CSNK1G3: variants seen among roughly 807,000 people sequenced by gnomAD.
CSNK1G3 encodes the protein casein kinase I isoform gamma-3.
CSNK1G3 carries 23 observed loss-of-function variants against 64.3 expected under a neutral mutation model. That is an observed-to-expected ratio of 0.36 (90% CI 0.26 to 0.51). The LOEUF is 0.51. Ranked by LOEUF, CSNK1G3 falls within the 20% of genes least tolerant of loss-of-function variation. The probability of loss-of-function intolerance (pLI) is 0.96; values close to 1 mark genes in which losing one functional copy is unlikely to be tolerated. For synonymous variants in CSNK1G3, 158 were observed against 162.2 expected, an observed-to-expected ratio of 0.97 and a Z score of 0.20; for missense variants, 357 against 510.5, an observed-to-expected ratio of 0.70 and a Z score of 2.90.
chr5:123,592,449 TTC>T (rs958376142), intron 10 of CSNK1G3, among the ~76,000 whole-genome samples: 3 of 151,872 alleles, frequency 2.0e-5, no homozygotes, highest in African/African-American at 7.3e-5. Context: ...GTTTTAATTT[TTC>T]TCTCTCTCTT....
At chr5:123,571,130 G>A (rs182732101) in intron 4 of CSNK1G3, among the ~76,000 whole-genome samples, 4 of 152,132 alleles carry the variant, frequency 2.6e-5, no homozygotes, top group South Asian at 2.1e-4. Context: ...GATGGGACAA[G>A]CGTGTGTGAT....
chr5:123,524,365 G>C (rs1304208167), intron 1 of CSNK1G3, among the ~76,000 whole-genome samples: 1 of 152,114 alleles, frequency 6.6e-6, no homozygotes, highest in Non-Finnish European at 1.5e-5. Context: ...AGTCCTTGGG[G>C]TTACATAATT....
intron 1 of CSNK1G3, among the ~76,000 whole-genome samples, chr5:123,521,037 C>A (rs1778005425): frequency 1.3e-5 from 2 of 151,878 alleles, no homozygotes. Flanking sequence ...TTAGGGTGTG[C>A]AAATTTATGA....
intron 10 of CSNK1G3, among the ~76,000 whole-genome samples, chr5:123,592,963 T>C (rs1314913616): frequency 6.6e-6 from 1 of 151,948 alleles, no homozygotes; most frequent in Non-Finnish European, 1.5e-5. Context: ...TCCTTGAATG[T>C]ACTTGGAAGA....
At chr5:123,512,408 CT>C (rs1446798674) in exon 1 of CSNK1G3, 1 of 152,202 alleles carries the variant, frequency 6.6e-6, no homozygotes, top group Non-Finnish European at 1.5e-5. Flanking sequence ...TCCTTCCCCC[CT>C]ACCTCGCTCG....
chr5:123,588,382 A>G (rs750902869), intron 7 of CSNK1G3, 45 bp from the exon 8 acceptor site: 3 of 1,470,064 alleles, frequency 2.0e-6, no homozygotes, highest in African/African-American at 2.8e-5. Flanking sequence ...CAGCTAAATA[A>G]TTTTTAAATT....
chr5:123,567,033 A>G (rs966424675), intron 4 of CSNK1G3, among the ~76,000 whole-genome samples: 2 of 152,226 alleles, frequency 1.3e-5, no homozygotes, highest in African/African-American at 4.8e-5. Flanking sequence ...TAACAGTTCC[A>G]TGTGGCTGGG....
intron 6 of CSNK1G3, among the ~76,000 whole-genome samples, chr5:123,581,639 C>A (rs947379602): frequency 6.6e-6 from 1 of 151,392 alleles, no homozygotes; most frequent in Admixed American, 6.6e-5. Context: ...GATTAGTGAA[C>A]TGTTCCTGTG....
At chr5:123,531,906 CAGT>C (rs913501053) in intron 1 of CSNK1G3, among the ~76,000 whole-genome samples, 1 of 151,748 alleles carries the variant, frequency 6.6e-6, no homozygotes, top group African/African-American at 2.4e-5. Flanking sequence ...AGTCTTCTCT[CAGT>C]AGTTTTTATT....
chr5:123,582,917 G>T (rs1324393757), intron 6 of CSNK1G3, among the ~76,000 whole-genome samples: 3 of 152,168 alleles, frequency 2.0e-5, no homozygotes, highest in African/African-American at 4.8e-5. Flanking sequence ...CACAAAAAAA[G>T]AAATTATGAG....
intron 4 of CSNK1G3, among the ~76,000 whole-genome samples, chr5:123,563,521 CTTTATT>C (rs1786210670): frequency 6.6e-6 from 1 of 151,984 alleles, no homozygotes; most frequent in South Asian, 2.1e-4. Context: ...TACGTTTTCA[CTTTATT>C]TTTAAGATGA....
intron 2 of CSNK1G3, among the ~76,000 whole-genome samples, chr5:123,547,287 A>G (rs893319756): frequency 3.3e-5 from 5 of 152,160 alleles, no homozygotes; most frequent in East Asian, 1.9e-4. Context: ...ATGATACTGT[A>G]AAAAGACCAA....
chr5:123,604,941 C>G (rs1795095569), intron 11 of CSNK1G3, 111 bp downstream of exon 12: 9 of 728,180 alleles, frequency 1.2e-5, no homozygotes, highest in Non-Finnish European at 2.1e-5. Flanking sequence ...GGAATAGGTG[C>G]ATGCAAAACA....
At chr5:123,533,715 A>T (rs1432705501) in intron 1 of CSNK1G3, among the ~76,000 whole-genome samples, 1 of 151,824 alleles carries the variant, frequency 6.6e-6, no homozygotes, top group Non-Finnish European at 1.5e-5. Context: ...TATACTTCTC[A>T]AAAGCCCTTG....
intron 6 of CSNK1G3, among the ~76,000 whole-genome samples, chr5:123,587,186 G>C (rs1242540146): frequency 1.3e-5 from 2 of 152,204 alleles, no homozygotes; most frequent in Non-Finnish European, 2.9e-5. Context: ...CTAGTTCAGA[G>C]CCATACTTTG....
intron 9 of CSNK1G3, among the ~76,000 whole-genome samples, 176 bp from the exon 10 acceptor site, chr5:123,591,143 T>C (rs1792271106): frequency 6.6e-6 from 1 of 152,108 alleles, no homozygotes; most frequent in South Asian, 2.1e-4. Flanking sequence ...AGGTATATTC[T>C]TTTTGCTTTA....
intron 4 of CSNK1G3, among the ~76,000 whole-genome samples, chr5:123,571,857 T>C (rs1332562485): frequency 6.6e-6 from 1 of 152,102 alleles, no homozygotes; most frequent in Non-Finnish European, 1.5e-5. Flanking sequence ...GTGTTAAGTG[T>C]CAAACTAAAT....
chr5:123,583,062 C>T (rs1364662568), intron 6 of CSNK1G3, among the ~76,000 whole-genome samples: 1 of 152,136 alleles, frequency 6.6e-6, no homozygotes, highest in East Asian at 1.9e-4. Context: ...GGCGAGATCA[C>T]CTTATGACCG....
intron 10 of CSNK1G3, among the ~76,000 whole-genome samples, chr5:123,593,558 C>T (rs894220767): frequency 5.3e-5 from 8 of 152,082 alleles, no homozygotes; most frequent in Admixed American, 2.0e-4. Context: ...AGTTCCATGA[C>T]CCCAAAATAT....
Sources: gnomAD v4.1 joint callset for allele counts (sites outside exome capture counted in the v4.1 genomes callset) on GRCh38, gnomAD v4.1.1 for gene constraint, MANE v1.5 for transcripts, NCBI Gene and HGNC (gene_info 2026-07-23, HGNC 2026-07-21) for gene names.